The following DLC1 variants were observed in gnomAD, a reference collection of about 807,000 sequenced individuals.
The protein encoded by DLC1 is rho GTPase-activating protein 7.
A neutral mutation model predicts 140.3 loss-of-function variants in DLC1; 54 were observed. The ratio of observed to expected loss-of-function variants is 0.38; its 90% CI spans 0.31 to 0.48. The LOEUF (loss-of-function observed/expected upper bound fraction) is 0.48, where lower values mean the gene tolerates loss of function less well. DLC1 is among the 20% of genes least tolerant of loss of function. The pLI, the probability that DLC1 is intolerant of heterozygous loss-of-function variation, is 0.96. For missense variants in DLC1, 2,536 were observed against 1,907.0 expected (o/e 1.33, Z -6.14); for synonymous variants, 986 against 728.1 (o/e 1.35, Z -5.70).
chr8:13,302,494 C>T (rs944070684), intron 5 of DLC1, among the ~76,000 whole-genome samples: 2 of 152,042 alleles, frequency 1.3e-5, no homozygotes, highest in African/African-American at 2.4e-5. Context: ...ATCATAGCAA[C>T]GTGGATCAGA....
intron 4 of DLC1, among the ~76,000 whole-genome samples, chr8:13,326,122 G>A (rs1833336644): frequency 6.6e-6 from 1 of 152,154 alleles, no homozygotes; most frequent in Admixed American, 6.5e-5. Flanking sequence ...GCCTAATGAT[G>A]CAATTCTCAG....
chr8:13,115,103 T>C (rs1194597711), intron 6 of DLC1, among the ~76,000 whole-genome samples: 2 of 152,126 alleles, frequency 1.3e-5, no homozygotes, highest in African/African-American at 4.8e-5. Flanking sequence ...TGGATATGAA[T>C]AAACAGTGGT....
chr8:13,100,667 G>A lies in DLC1; in HGVS notation c.1670C>T (p.Ser557Phe), dbSNP rs1161241397. Residue 557 changes from serine (S) to phenylalanine (F), a missense_variant, in exon 9 of 18, where the codon TCT (serine) becomes TTT (phenylalanine). By Grantham distance (155) the Ser-to-Phe change is radical (BLOSUM62 -2). Coordinates refer to ENST00000276297, the MANE Select transcript of DLC1 (RefSeq NM_182643.3). ...CCCAGGGACCAGGTCTTGTTTTGGAGAAAAGACATCAAACTCTTCAAGCCG... is the reference window on the plus strand; with the variant it reads ...CCCAGGGACCAGGTCTTGTTTTGGAAAAAAGACATCAAACTCTTCAAGCCG... ...WSRLEEFDVF[S>F]PKQDLVPGSP... 3.7e-6 allele frequency: 6 copies of A among 1,613,988 alleles called. No individual in the cohort carries two copies. The highest frequency in any genetic ancestry group is 1.7e-5 in the Admixed American group (1 of 59,996).
chr8:13,304,921 G>A (rs936451018), intron 5 of DLC1: 63 of 1,004,844 alleles, frequency 6.3e-5, no homozygotes, highest in Non-Finnish European at 7.2e-5. Flanking sequence ...GTCATTAAGA[G>A]TAAAAATAAA....
chr8:13,281,576 A>G (rs1490042572), intron 5 of DLC1, among the ~76,000 whole-genome samples: 1 of 152,216 alleles, frequency 6.6e-6, no homozygotes, highest in Non-Finnish European at 1.5e-5. Context: ...AAATATATAC[A>G]CTGGGGTTCT....
chr8:13,231,205 C>T (rs574640763), intron 5 of DLC1, among the ~76,000 whole-genome samples: 1 of 151,868 alleles, frequency 6.6e-6, no homozygotes, highest in African/African-American at 2.4e-5. Flanking sequence ...CCTTTTAAAT[C>T]CTGACAGGAA....
intron 5 of DLC1, among the ~76,000 whole-genome samples, chr8:13,195,976 A>T (rs1827026412): frequency 6.6e-6 from 1 of 152,206 alleles, no homozygotes; most frequent in East Asian, 1.9e-4. Flanking sequence ...ATTCAAGAAG[A>T]GAAAAGAAAT....
chr8:13,280,605 A>G (rs1831333437), intron 5 of DLC1, among the ~76,000 whole-genome samples: 1 of 152,150 alleles, frequency 6.6e-6, no homozygotes, highest in South Asian at 2.1e-4. Flanking sequence ...CAAAATTTTT[A>G]ATTTTATAGT....
chr8:13,485,496 C>G (rs1394637649), intron 2 of DLC1, among the ~76,000 whole-genome samples: 1 of 152,202 alleles, frequency 6.6e-6, no homozygotes, highest in Non-Finnish European at 1.5e-5. Context: ...TAGCTTGGCA[C>G]TGCACAGCCA....
At chr8:13,142,098 G>A (rs1823041657) in intron 5 of DLC1, among the ~76,000 whole-genome samples, 1 of 152,188 alleles carries the variant, frequency 6.6e-6, no homozygotes, top group Admixed American at 6.5e-5. Context: ...TACATACACA[G>A]TCGCTCCTGC....
chr8:13,590,704 T>C (rs1805488954), intron 1 of DLC1, among the ~76,000 whole-genome samples: 1 of 152,106 alleles, frequency 6.6e-6, no homozygotes, highest in Admixed American at 6.6e-5. Flanking sequence ...TTTATATTTG[T>C]TTTCTCTATT....
chr8:13,535,347 A>G (rs1400660499), intron 1 of DLC1, among the ~76,000 whole-genome samples: 2 of 152,080 alleles, frequency 1.3e-5, no homozygotes, highest in Non-Finnish European at 2.9e-5. Context: ...TTACAACCAG[A>G]AAGAAGCAAT....
At chr8:13,259,795 GGT>G (rs1830406831) in intron 5 of DLC1, among the ~76,000 whole-genome samples, 3 of 147,290 alleles carry the variant, frequency 2.0e-5, no homozygotes, top group African/African-American at 7.6e-5. Flanking sequence ...ACAACAGATG[GGT>G]TTTTTTTTTT....
chr8:13,332,088 G>A (rs543115493), intron 4 of DLC1, among the ~76,000 whole-genome samples: 1 of 152,266 alleles, frequency 6.6e-6, no homozygotes, highest in Non-Finnish European at 1.5e-5. Flanking sequence ...GTCACATACA[G>A]TAAAACCTTG....
intron 2 of DLC1, among the ~76,000 whole-genome samples, chr8:13,410,094 A>T (rs926208100): frequency 1.3e-5 from 2 of 152,162 alleles, no homozygotes; most frequent in African/African-American, 4.8e-5. Context: ...TTAAGAAAAA[A>T]ATACGACAAG....
At chr8:13,198,779 C>T (rs568842051) in intron 5 of DLC1, among the ~76,000 whole-genome samples, 60 of 150,580 alleles carry the variant, frequency 4.0e-4, no homozygotes, top group Non-Finnish European at 6.3e-4. Flanking sequence ...GAACAGTGTG[C>T]GATCTTGGCT....
intron 5 of DLC1, among the ~76,000 whole-genome samples, chr8:13,302,784 C>G (rs1421299619): frequency 6.6e-6 from 1 of 151,628 alleles, no homozygotes; most frequent in Non-Finnish European, 1.5e-5. Context: ...TCAATTAACC[C>G]CGAGAAGATT....
Position 13,223,335 on chromosome 8 carries a change from C to T in DLC1, c.1348+81934G>A, listed in dbSNP as rs552379790. On this transcript the variant is annotated intron_variant, in intron 5 of 17. Coordinates refer to ENST00000276297, the MANE Select transcript of DLC1 (RefSeq NM_182643.3). ...TGGCTAATATCTCGTGCAGCCTCTTCGCACGTAATCTAGCTGTACTTTTCT... is the reference window on the plus strand; with the variant it reads ...TGGCTAATATCTCGTGCAGCCTCTTTGCACGTAATCTAGCTGTACTTTTCT... 5.6e-4 allele frequency among the ~76,000 whole-genome samples: 85 copies of T among 152,176 alleles called. 1 individual carries two copies. Among genetic ancestry groups the T allele is most frequent in the Non-Finnish European group, 1.0e-3 (71 of 68,034 alleles).
intron 5 of DLC1, among the ~76,000 whole-genome samples, chr8:13,248,646 T>C (rs895520939): frequency 1.3e-5 from 2 of 152,196 alleles, no homozygotes; most frequent in African/African-American, 2.4e-5. Context: ...AGCAGCAGTC[T>C]GGATCTTTTT....
Sources: gnomAD v4.1 joint callset for allele counts (sites outside exome capture counted in the v4.1 genomes callset) on GRCh38, gnomAD v4.1.1 for gene constraint, MANE v1.5 for transcripts, NCBI Gene and HGNC (gene_info 2026-07-23, HGNC 2026-07-21) for gene names.